Variants in MTUS1 observed in about 807,000 individuals in gnomAD.
MTUS1 encodes microtubule associated scaffold protein 1.
A neutral mutation model predicts 120.8 loss-of-function variants in MTUS1; 109 were observed. The ratio of observed to expected loss-of-function variants is 0.90; its 90% confidence interval spans 0.77 to 1.06. The LOEUF is 1.06. Ranked by LOEUF, MTUS1 falls within the 50% of genes least tolerant of loss-of-function variation. The pLI, the probability that MTUS1 is intolerant of heterozygous loss-of-function variation, is 0.00. For missense variants in MTUS1, 2,210 were observed against 1,486.3 expected, an observed-to-expected ratio of 1.49 and a Z score of -8.01; for synonymous variants, 737 against 550.5, an observed-to-expected ratio of 1.34 and a Z score of -4.74.
chr8:17,697,396 G>A (rs377560516), intron 6 of MTUS1: 15 of 1,612,818 alleles, frequency 9.3e-6, no homozygotes, highest in East Asian at 4.5e-5. Context: ...AGCAGGTGGC[G>A]AGATTTCACA....
chr8:17,678,699 T>G (rs74503215), intron 7 of MTUS1, among the ~76,000 whole-genome samples: 2 of 150,520 alleles, frequency 1.3e-5, no homozygotes, highest in Admixed American at 1.3e-4. Context: ...GCTAGTGCCA[T>G]TCAAAATTCA....
intron 8 of MTUS1, among the ~76,000 whole-genome samples, chr8:17,671,186 G>T (rs1308902314): frequency 6.6e-6 from 1 of 151,908 alleles, no homozygotes; most frequent in Non-Finnish European, 1.5e-5. Flanking sequence ...ACTAAGAAAA[G>T]GGAATATGCA....
At chr8:17,760,505 A>C (rs2048960749) in intron 1 of MTUS1, among the ~76,000 whole-genome samples, 1 of 152,174 alleles carries the variant, frequency 6.6e-6, no homozygotes. Flanking sequence ...CATGAAGACA[A>C]AGCCAAGGAC....
chr8:17,723,133 A>G (rs1317050398), intron 4 of MTUS1: 1 of 162,476 alleles, frequency 6.2e-6, no homozygotes, highest in Non-Finnish European at 1.4e-5. Flanking sequence ...AAATGAGAAA[A>G]TAAGAACCAA....
In MTUS1 at chr8:17,674,647, G is replaced by A. The variant is rs138220475; in HGVS notation, c.2905+539C>T. The A allele has an allele frequency of 6.8e-5, 67 of 986,858 alleles. No individual in the cohort carries two copies. The East Asian group carries it at 5.7e-3, about 84-fold the overall frequency. The allele number at this position is 986,858 out of a possible 1,614,324, so 61.1% of individuals were successfully genotyped here. On this transcript the variant is annotated intron_variant, in intron 8 of 14. Transcript: ENST00000693296. Reference sequence around the variant, plus strand: ...AGGGCTGGGTGGTAGGTGTTGAGACGTGGGGCTCCCTGTGGAGCGGGGAGG... The same window carrying A: ...AGGGCTGGGTGGTAGGTGTTGAGACATGGGGCTCCCTGTGGAGCGGGGAGG...
Position 17,657,396 on chromosome 8 carries a change from G to A in MTUS1, c.2906-1331C>T, listed in dbSNP as rs1381420549. On this transcript the variant is annotated intron_variant, in intron 8 of 14. Transcript: ENST00000693296. Reference sequence around the variant, plus strand: ...ATCCCGGCTAAAACGGTGAAACCCCGTCTCTACTAAAAATACAAAAAATTA... The same window carrying A: ...ATCCCGGCTAAAACGGTGAAACCCCATCTCTACTAAAAATACAAAAAATTA... Among the ~76,000 whole-genome samples the A allele has an allele frequency of 4.6e-4, 69 of 151,076 alleles. No homozygotes were observed. The South Asian group carries it at 5.7e-3, about 12-fold the overall frequency.
intron 4 of MTUS1, chr8:17,721,992 A>G: frequency 1.5e-6 from 2 of 1,376,378 alleles, no homozygotes; most frequent in Non-Finnish European, 9.4e-7. Flanking sequence ...ATTCGAATGG[A>G]GGGAAAAAAA....
chr8:17,714,894 C>CTTTTT lies in MTUS1; in HGVS notation c.2584+868_2584+872dup, dbSNP rs34479493. Among the ~76,000 whole-genome samples the CTTTTT allele has an allele frequency of 3.8e-4, 21 of 55,190 alleles. 1 individual carries two copies. Among genetic ancestry groups the CTTTTT allele is most frequent in the African/African-American group, 8.4e-4 (11 of 13,068 alleles). The allele number at this position is 55,190 out of a possible 152,430, so 36.2% of individuals were successfully genotyped here. A position where few individuals can be genotyped will look rare whatever the true frequency, so the allele number is the denominator to read the frequency against. On this transcript the variant is annotated intron_variant, in intron 5 of 14. Coordinates refer to ENST00000693296, the MANE Select transcript of MTUS1 (RefSeq NM_001363059.2). The stretch of plus-strand genomic sequence containing the variant: ...TTCAGTTCACTAAGCACAAATAATG[C>CTTTTT]TTTTTTTTTTTTTTTTTTTTTTTTT...
At chr8:17,751,291 C>A (rs2048169418) in intron 2 of MTUS1, among the ~76,000 whole-genome samples, 1 of 151,622 alleles carries the variant, frequency 6.6e-6, no homozygotes, top group African/African-American at 2.4e-5. Flanking sequence ...AGAGGAGACT[C>A]CATCTCAAAG....
Position 17,668,882 on chromosome 8 carries a change from A to T in MTUS1, c.2905+6304T>A, listed in dbSNP as rs147707706. Among the ~76,000 whole-genome samples the T allele has an allele frequency of 5.3e-3, 801 of 152,276 alleles. 7 individuals are homozygous for T. Among genetic ancestry groups the T allele is most frequent in the African/African-American group, 0.018 (761 of 41,538 alleles). Reference sequence around the variant, plus strand: ...CTGCTGTTCCCCTCTTTGTGTCCATATGTGTTTGTCATAGAAATGTTAAAC... The same window carrying T: ...CTGCTGTTCCCCTCTTTGTGTCCATTTGTGTTTGTCATAGAAATGTTAAAC... On this transcript the variant is annotated intron_variant, in intron 8 of 14. Coordinates refer to ENST00000693296, the MANE Select transcript of MTUS1 (RefSeq NM_001363059.2).
Position 17,645,917 on chromosome 8 carries a change from G to C in MTUS1, c.*9C>G. 6.2e-7 allele frequency: 1 copy of C among 1,608,078 alleles called. No homozygotes were observed. Among genetic ancestry groups the C allele is most frequent in the Non-Finnish European group, 8.5e-7 (1 of 1,178,224 alleles). On this transcript the variant is annotated 3_prime_UTR_variant, in exon 15 of 15. Coordinates refer to ENST00000693296, the MANE Select transcript of MTUS1 (RefSeq NM_001363059.2). The stretch of plus-strand genomic sequence containing the variant: ...TGCTTTCAGAGAGTCTGTGGACTTT[G>C]GGGAGGTGTCATCTGGGTGAAATGC...
At chr8:17,689,796 C>A (rs1325946156) in intron 6 of MTUS1, among the ~76,000 whole-genome samples, 1 of 151,998 alleles carries the variant, frequency 6.6e-6, no homozygotes. Context: ...GGAAAGGACA[C>A]CCTATTCAAT....
At chr8:17,756,671 A>ACCCCCCCCCCCC (rs1177055386) in intron 1 of MTUS1, among the ~76,000 whole-genome samples, 12 of 117,482 alleles carry the variant, frequency 1.0e-4, no homozygotes, top group Non-Finnish European at 1.2e-4. Flanking sequence ...TCAAGCCCAA[A>ACCCCCCCCCCCC]CCCCCACCCC....
chr8:17,778,604 C>G (rs73569233), intron 1 of MTUS1, among the ~76,000 whole-genome samples: 2 of 151,682 alleles, frequency 1.3e-5, no homozygotes, highest in African/African-American at 4.9e-5. Flanking sequence ...ATCCCTTGAG[C>G]CCAGGAGTTC....
chr8:17,736,158 A>C (rs2046911332), intron 3 of MTUS1, among the ~76,000 whole-genome samples: 1 of 152,250 alleles, frequency 6.6e-6, no homozygotes, highest in East Asian at 1.9e-4. Context: ...CCTACTCATG[A>C]GTCATTCCAC....
At chr8:17,725,851 C>T (rs866627348) in intron 3 of MTUS1, among the ~76,000 whole-genome samples, 3 of 152,250 alleles carry the variant, frequency 2.0e-5, no homozygotes, top group Middle Eastern at 3.4e-3. Context: ...CTTCTTCTTC[C>T]AATGTGGCCC....
chr8:17,674,313 G>A (rs561948751), intron 8 of MTUS1: 1 of 222,020 alleles, frequency 4.5e-6, no homozygotes, highest in African/African-American at 2.3e-5. Flanking sequence ...CCAGCTACTC[G>A]GAAGGCTGAG....
At position 17,795,772 on chromosome 8, in the gene MTUS1, G is replaced by A. The variant is rs532807132; in HGVS notation, c.-155+5289C>T. Among the ~76,000 whole-genome samples, 69 of 143,316 alleles carry A rather than the reference G, an allele frequency of 4.8e-4. 1 individual carries two copies. In the South Asian group the frequency reaches 6.8e-3, roughly 14 times the overall value. The allele number at this position is 143,316 out of a possible 152,430, so 94.0% of individuals were successfully genotyped here. A position where few individuals can be genotyped will look rare whatever the true frequency, so the allele number is the denominator to read the frequency against. On this transcript the variant is annotated intron_variant, in intron 1 of 14. Coordinates refer to ENST00000693296, the MANE Select transcript of MTUS1 (RefSeq NM_001363059.2). ...CTCCTGCCTCAGCCTCCCACGTAGCGGGGATATAAGCACCCACCACCACAC... is the reference window on the plus strand; with the variant it reads ...CTCCTGCCTCAGCCTCCCACGTAGCAGGGATATAAGCACCCACCACCACAC...
intron 1 of MTUS1, among the ~76,000 whole-genome samples, chr8:17,789,632 T>C (rs1052783662): frequency 3.3e-5 from 5 of 152,206 alleles, no homozygotes; most frequent in Non-Finnish European, 7.3e-5. Flanking sequence ...CACCTCACCT[T>C]ATACCTCCCA....
Sources: gnomAD v4.1 joint callset for allele counts (sites outside exome capture counted in the v4.1 genomes callset) on GRCh38, gnomAD v4.1.1 for gene constraint, MANE v1.5 for transcripts, NCBI Gene and HGNC (gene_info 2026-07-23, HGNC 2026-07-21) for gene names.